The following SRGAP2 variants were observed in gnomAD, a reference collection of about 807,000 sequenced individuals.
SRGAP2 encodes the protein SLIT-ROBO Rho GTPase activating protein 2.
In SRGAP2, 15 loss-of-function variants were observed where a neutral mutation model predicts 57.2. The observed-to-expected ratio is 0.26, with a 90% CI of 0.18 to 0.40. SRGAP2 has a LOEUF of 0.40. SRGAP2 is among the 10% of genes least tolerant of loss of function. The pLI is 1.00. For missense variants in SRGAP2, 520 were observed against 669.6 expected (o/e 0.78, Z 2.47); for synonymous variants, 249 against 248.0 (o/e 1.00, Z -0.04).
Position 206,333,247 on chromosome 1 carries a change from G to C in SRGAP2, c.261-9599G>C, listed in dbSNP as rs572639588. 7.7e-4 allele frequency: 685 copies of C among 891,842 alleles called. No individual in the cohort carries two copies. In the African/African-American group the frequency reaches 0.01, roughly 13 times the overall value. 55.2% of individuals were successfully genotyped at this position (891,842 alleles called of 1,614,324 possible). A position where few individuals can be genotyped will look rare whatever the true frequency, so the allele number is the denominator to read the frequency against. ...GAAATGCAGAAATCACCCGTCTTCT[G>C]CGTCGCTCACGCTGGGAGCTGTAGA... On this transcript the variant is annotated intron_variant, in intron 3 of 22. Transcript: ENST00000573034.
intron 10 of SRGAP2, among the ~76,000 whole-genome samples, chr1:206,410,672 C>T (rs1019535184): frequency 1.3e-5 from 2 of 152,094 alleles, no homozygotes; most frequent in South Asian, 4.1e-4. Flanking sequence ...ACTTTTTTAA[C>T]GTTCTTTATC....
chr1:206,310,106 A>G (rs1379864180), intron 3 of SRGAP2, among the ~76,000 whole-genome samples: 2 of 151,826 alleles, frequency 1.3e-5, no homozygotes, highest in Non-Finnish European at 2.9e-5. Flanking sequence ...TGCAAAGATG[A>G]CTAAAACAAG....
Position 206,307,076 on chromosome 1 carries a change from T to C in SRGAP2, c.260+3603T>C, listed in dbSNP as rs1553617117. On this transcript the variant is annotated intron_variant, in intron 3 of 22. Transcript: ENST00000573034. ...TTGAGCTAGACATAAAGGTTCTCCATGTCCTCACCAGAGCAGCTAGATACA... is the reference window on the plus strand; with the variant it reads ...TTGAGCTAGACATAAAGGTTCTCCACGTCCTCACCAGAGCAGCTAGATACA... Among the ~76,000 whole-genome samples the C allele has an allele frequency of 4.4e-5, 6 of 136,992 alleles. No homozygotes were observed. In the South Asian group the frequency reaches 7.3e-4, roughly 17 times the overall value. The allele number at this position is 136,992 out of a possible 152,430, so 89.9% of individuals were successfully genotyped here.
At chr1:206,394,038 CTTTTT>C (rs577375533) in intron 7 of SRGAP2, among the ~76,000 whole-genome samples, 1 of 49,898 alleles carries the variant, frequency 2.0e-5, no homozygotes, top group Non-Finnish European at 3.2e-5. Context: ...TACTTTCTTC[CTTTTT>C]TTTTTTTTTT....
rs1659562660 is a variant in SRGAP2 at position 206,415,003 on chromosome 1, G to C, written c.1357-886G>C. On this transcript the variant is annotated intron_variant, in intron 10 of 22. Transcript: ENST00000573034. ...CACATGCTGTATTGTCAAACTGCCTGTATTTGGATACTAACTTTACCACTC... is the reference window on the plus strand; with the variant it reads ...CACATGCTGTATTGTCAAACTGCCTCTATTTGGATACTAACTTTACCACTC... Among the ~76,000 whole-genome samples the C allele has an allele frequency of 2.0e-5, 3 of 152,332 alleles. No homozygotes were observed. The South Asian group carries it at 6.2e-4, about 32-fold the overall frequency.
chr1:206,230,292 G>C lies in SRGAP2; in HGVS notation c.67+24255G>C, dbSNP rs1362059609. 1.1e-4 allele frequency among the ~76,000 whole-genome samples: 16 copies of C among 147,572 alleles called. No homozygotes were observed. The East Asian group carries it at 2.8e-3, about 25-fold the overall frequency. On this transcript the variant is annotated intron_variant, in intron 2 of 22. Coordinates refer to ENST00000573034, the MANE Select transcript of SRGAP2 (RefSeq NM_015326.5). ...TATTATAGGTATCTAGCCTATGAAT[G>C]CTAATAATTAATTACGGAAATGCCT...
At chr1:206,328,630 C>A (rs1674143091) in intron 3 of SRGAP2, among the ~76,000 whole-genome samples, 5 of 31,066 alleles carry the variant, frequency 1.6e-4, no homozygotes, top group African/African-American at 8.8e-4. Context: ...CTGTTCATGT[C>A]CTTCGCCCAC....
At chr1:206,438,158 A>T in intron 16 of SRGAP2, 60 bp downstream of exon 16, 1 of 761,622 alleles carries the variant, frequency 1.3e-6, no homozygotes, top group Non-Finnish European at 2.5e-6. Context: ...GCAAGAGAGA[A>T]AAAGTTTCCA....
At chr1:206,423,000 A>G (rs530424285) in intron 13 of SRGAP2, among the ~76,000 whole-genome samples, 35 of 152,364 alleles carry the variant, frequency 2.3e-4, no homozygotes, top group Admixed American at 7.2e-4. Flanking sequence ...GTAATCTTAT[A>G]TAAGTAACAA....
intron 19 of SRGAP2, among the ~76,000 whole-genome samples, chr1:206,450,807 A>C (rs947126444): frequency 3.9e-5 from 6 of 152,184 alleles, no homozygotes; most frequent in African/African-American, 1.4e-4. Flanking sequence ...AAAGTGAAGG[A>C]AAGTACATTT....
chr1:206,380,736 A>G (rs1394463617), intron 4 of SRGAP2, among the ~76,000 whole-genome samples: 1 of 100,542 alleles, frequency 9.9e-6, no homozygotes, highest in Non-Finnish European at 2.0e-5. Flanking sequence ...CTTCATTGTC[A>G]TGTACTCGGC....
chr1:206,347,833 T>A (rs1553337298), intron 4 of SRGAP2, among the ~76,000 whole-genome samples: 1 of 150,362 alleles, frequency 6.7e-6, no homozygotes, highest in East Asian at 1.9e-4. Flanking sequence ...ACATCAACAT[T>A]GGATTGTTTT....
At chr1:206,457,514 G>A (rs1032554637) in intron 21 of SRGAP2, among the ~76,000 whole-genome samples, 4 of 152,206 alleles carry the variant, frequency 2.6e-5, no homozygotes, top group Non-Finnish European at 4.4e-5. Flanking sequence ...CAGAGAGGGG[G>A]TTCATTTCAG....
chr1:206,436,248 C>T (rs1403672074), intron 14 of SRGAP2, among the ~76,000 whole-genome samples: 7 of 152,154 alleles, frequency 4.6e-5, no homozygotes, highest in African/African-American at 1.7e-4. Flanking sequence ...AGCATTGCCC[C>T]CTTGAACAAT....
At chr1:206,277,424 TC>T (rs1670477808) in intron 2 of SRGAP2, among the ~76,000 whole-genome samples, 1 of 108,282 alleles carries the variant, frequency 9.2e-6, no homozygotes, top group African/African-American at 3.6e-5. Context: ...ACTTGTTTGT[TC>T]CTGCTTTGCT....
chr1:206,230,407 C>G (rs1283669590), intron 2 of SRGAP2, among the ~76,000 whole-genome samples: 3 of 144,218 alleles, frequency 2.1e-5, no homozygotes, highest in African/African-American at 5.3e-5. Flanking sequence ...CTTGTGAGTA[C>G]TGGCATGACC....
chr1:206,365,214 A>T (rs1308511948), intron 4 of SRGAP2, among the ~76,000 whole-genome samples: 1 of 132,364 alleles, frequency 7.6e-6, no homozygotes, highest in Non-Finnish European at 1.6e-5. Context: ...GTTGTTCCTG[A>T]CCCCAGGTCA....
chr1:206,441,386 G>A (rs1333353068), intron 17 of SRGAP2, among the ~76,000 whole-genome samples: 2 of 152,142 alleles, frequency 1.3e-5, no homozygotes, highest in Non-Finnish European at 2.9e-5. Flanking sequence ...AGGGGGCCGC[G>A]GGTGTGGATG....
In SRGAP2 at chr1:206,417,011, C is replaced by T. The variant is rs201789891; in HGVS notation, c.1441+1038C>T. Among the ~76,000 whole-genome samples the T allele has an allele frequency of 2.0e-5, 3 of 152,212 alleles. No individual in the cohort carries two copies. In the East Asian group the frequency reaches 5.8e-4, roughly 29 times the overall value. The stretch of plus-strand genomic sequence containing the variant: ...GCCTCACTTCTTATTATACCAGAAC[C>T]TCCTACCCACCTTTTTTGCCCTGTC... On this transcript the variant is annotated intron_variant, in intron 11 of 22. Coordinates refer to ENST00000573034, the MANE Select transcript of SRGAP2 (RefSeq NM_015326.5).
Sources: allele counts gnomAD v4.1 joint callset (sites outside exome capture counted in the v4.1 genomes callset), GRCh38; gene constraint gnomAD v4.1.1; transcripts MANE v1.5; gene names NCBI Gene and HGNC (gene_info 2026-07-23, HGNC 2026-07-21).